Variants in ZC3HAV1 observed in about 807,000 individuals in gnomAD.
ZC3HAV1 encodes the protein zinc finger CCCH-type containing, antiviral 1, also known as zinc finger CCCH-type antiviral protein 1.
A neutral mutation model predicts 86.6 loss-of-function variants in ZC3HAV1; 41 were observed. The observed-to-expected ratio is 0.47, with a 90% CI of 0.37 to 0.61. ZC3HAV1 has a LOEUF of 0.61. ZC3HAV1 is among the 20% of genes least tolerant of loss of function. The pLI is 0.00. For synonymous variants in ZC3HAV1, 421 were observed against 432.1 expected, an observed-to-expected ratio of 0.97 and a Z score of 0.32; for missense variants, 964 against 1,141.1, an observed-to-expected ratio of 0.84 and a Z score of 2.24.
chr7:139,099,060 T>C (rs1483734849), intron 1 of ZC3HAV1, among the ~76,000 whole-genome samples: 1 of 152,172 alleles, frequency 6.6e-6, no homozygotes, highest in Non-Finnish European at 1.5e-5. Flanking sequence ...ACATGCTTCA[T>C]TTGTCACTAT....
chr7:139,080,420 G>GT (rs1018387816), intron 3 of ZC3HAV1, among the ~76,000 whole-genome samples, 177 bp from the exon 4 acceptor site: 1 of 151,792 alleles, frequency 6.6e-6, no homozygotes, highest in African/African-American at 2.4e-5. Flanking sequence ...GACACTGACG[G>GT]TTTTTTTTGT....
At chr7:139,085,428 C>T (rs898065398) in intron 2 of ZC3HAV1, among the ~76,000 whole-genome samples, 12 of 152,182 alleles carry the variant, frequency 7.9e-5, no homozygotes. Flanking sequence ...TTTATGTTCT[C>T]ACAAGTCAAA....
rs1158659682 is a variant in ZC3HAV1, at chr7:139,057,829, C to T, written c.2097-2534G>A. ...TGCTGGGATTACAGACGTGAGCCAC[C>T]GCGCCCGGCCAACAATTACATTTTA... On this transcript the variant is annotated intron_variant, in intron 9 of 12. Transcript: ENST00000242351. Among the ~76,000 whole-genome samples the T allele has an allele frequency of 1.9e-4, 4 of 21,510 alleles. 2 individuals carry two copies. The highest frequency in any genetic ancestry group is 7.7e-4 in the Admixed American group (2 of 2,594). The allele number at this position is 21,510 out of a possible 152,430, so 14.1% of individuals were successfully genotyped here. A position where few individuals can be genotyped will look rare whatever the true frequency, so the allele number is the denominator to read the frequency against.
intron 8 of ZC3HAV1, among the ~76,000 whole-genome samples, chr7:139,062,127 G>C (rs986051764): frequency 1.3e-5 from 2 of 152,114 alleles, no homozygotes; most frequent in Non-Finnish European, 2.9e-5. Context: ...GGAAACTTTC[G>C]GGATTGATGG....
chr7:139,102,825 TG>T (rs1204845988), intron 1 of ZC3HAV1, among the ~76,000 whole-genome samples: 1 of 150,218 alleles, frequency 6.7e-6, no homozygotes, highest in African/African-American at 2.5e-5. Flanking sequence ...GAGGCTGACA[TG>T]GGAGGATCGT....
In ZC3HAV1 at chr7:139,073,924, C is replaced by T; in HGVS notation, c.1804G>A (p.Val602Ile). The stretch of plus-strand genomic sequence containing the variant: ...TACCAAATCCATTTGGTGGTGAAGA[C>T]AGAATTGGCTGGCTTGGTGACAGAA... ...PSSVTKPANS[V>I]FTTKWIWYWK... The change falls in exon 7 of 13, where the codon GTC (valine) becomes ATC (isoleucine). Residue 602 changes from valine to isoleucine, a missense_variant. Val to Ile is a conservative substitution (Grantham distance 29). Coordinates refer to ENST00000242351, the MANE Select transcript of ZC3HAV1 (RefSeq NM_020119.4). 1 of 1,614,002 alleles carries T rather than the reference C, an allele frequency of 6.2e-7. No homozygotes were observed. Among genetic ancestry groups the T allele is most frequent in the Non-Finnish European group, 8.5e-7 (1 of 1,179,888 alleles).
chr7:139,088,051 A>AAAAAG (rs1563137169), intron 2 of ZC3HAV1, among the ~76,000 whole-genome samples: 11 of 150,726 alleles, frequency 7.3e-5, no homozygotes, highest in African/African-American at 2.7e-4. Flanking sequence ...AAAAAAAAAA[A>AAAAAG]AAAAGAAAAA....
chr7:139,078,504 C>T (rs1250452123), intron 5 of ZC3HAV1, 48 bp downstream of exon 5: 6 of 1,444,994 alleles, frequency 4.2e-6, no homozygotes, highest in Non-Finnish European at 5.7e-6. Flanking sequence ...GTGTTATTTA[C>T]AATGGCCAAA....
intron 7 of ZC3HAV1, among the ~76,000 whole-genome samples, chr7:139,067,080 G>A (rs1816627023): frequency 6.6e-6 from 1 of 152,122 alleles, no homozygotes; most frequent in Non-Finnish European, 1.5e-5. Flanking sequence ...ACATTCTGTG[G>A]TGATGAAAAT....
At chr7:139,079,089 C>CAAGACACAAGA (rs1817043676) in intron 4 of ZC3HAV1, 2 of 1,535,610 alleles carry the variant, frequency 1.3e-6, no homozygotes, top group Non-Finnish European at 1.7e-6. Flanking sequence ...GCCCCTTTGT[C>CAAGACACAAGA]CTTCAGTGAC....
chr7:139,084,111 G>T, intron 2 of ZC3HAV1, 79 bp from the exon 3 acceptor site: 1 of 1,548,838 alleles, frequency 6.5e-7, no homozygotes, highest in Non-Finnish European at 8.7e-7. Context: ...AAGCTCACGT[G>T]TGCAAAAATC....
chr7:139,053,633 G>A, intron 11 of ZC3HAV1, 52 bp from the exon 12 acceptor site: 1 of 1,514,216 alleles, frequency 6.6e-7, no homozygotes, highest in Non-Finnish European at 8.8e-7. Context: ...TCCCACTCCA[G>A]TTGATAACAT....
At chr7:139,064,777 G>A in intron 8 of ZC3HAV1, 102 bp downstream of exon 8, 1 of 1,569,382 alleles carries the variant, frequency 6.4e-7, no homozygotes, top group Non-Finnish European at 8.7e-7. Flanking sequence ...TCTTGACCTT[G>A]ACCCTGGCCA....
rs376273550 is a variant in ZC3HAV1, at chr7:139,069,328, A to C, written c.1873-4329T>G. ...CTTGAATTTATGTTTCAGTTGCAGT[A>C]AACAGGTCTTAGCTTTTATCCTGTG... On this transcript the variant is annotated intron_variant, in intron 7 of 12. Coordinates refer to ENST00000242351, the MANE Select transcript of ZC3HAV1 (RefSeq NM_020119.4). Among the ~76,000 whole-genome samples, 7 of 152,324 alleles carry C rather than the reference A, an allele frequency of 4.6e-5. No homozygotes were observed. The South Asian group carries it at 1.2e-3, about 27-fold the overall frequency.
intron 8 of ZC3HAV1, among the ~76,000 whole-genome samples, chr7:139,062,543 C>T (rs1816474634): frequency 6.6e-6 from 1 of 152,244 alleles, no homozygotes; most frequent in African/African-American, 2.4e-5. Flanking sequence ...TTCATTTTCT[C>T]AGTAACTGTT....
intron 12 of ZC3HAV1, chr7:139,049,446 T>C (rs1328468242): frequency 1.3e-5 from 2 of 152,330 alleles, no homozygotes; most frequent in East Asian, 3.8e-4. Context: ...GCATGTATTT[T>C]ACGCTGAATT....
intron 7 of ZC3HAV1, among the ~76,000 whole-genome samples, chr7:139,070,755 C>A (rs1300538990): frequency 6.6e-6 from 1 of 150,482 alleles, no homozygotes; most frequent in Admixed American, 6.6e-5. Flanking sequence ...CAGAGGCAGG[C>A]AGATCACCTG....
At chr7:139,065,758 G>A (rs1469141949) in intron 7 of ZC3HAV1, among the ~76,000 whole-genome samples, 1 of 152,100 alleles carries the variant, frequency 6.6e-6, no homozygotes, top group Non-Finnish European at 1.5e-5. Flanking sequence ...TCAAAAATTA[G>A]CTGGACGTGG....
At position 139,109,291 on chromosome 7, in the gene ZC3HAV1, A is replaced by C; in HGVS notation, c.41T>G (p.Leu14Arg). ...PEVCCFITKILCAHGGRMALD... is the reference protein window; with the variant it reads ...PEVCCFITKIRCAHGGRMALD... The stretch of plus-strand genomic sequence containing the variant: ...GGCCATGCGGCCCCCGTGGGCGCAC[A>C]GGATTTTGGTGATGAAGCAGCACAC... Residue 14 changes from leucine (L) to arginine (R), a missense_variant, in exon 1 of 13, where the codon CTG (leucine) becomes CGG (arginine). Transcript: ENST00000242351. 6.2e-7 allele frequency: 1 copy of C among 1,610,144 alleles called. No individual in the cohort carries two copies. The highest frequency in any genetic ancestry group is 8.5e-7 in the Non-Finnish European group (1 of 1,178,842).
Sources: gnomAD v4.1 joint callset for allele counts (sites outside exome capture counted in the v4.1 genomes callset) on GRCh38, gnomAD v4.1.1 for gene constraint, MANE v1.5 for transcripts, NCBI Gene and HGNC (gene_info 2026-07-23, HGNC 2026-07-21) for gene names.